The following CEP85L variants were observed in gnomAD, a reference collection of about 807,000 sequenced individuals.
CEP85L encodes centrosomal protein of 85 kDa-like.
Under a neutral mutation model 100.3 loss-of-function variants are expected in CEP85L, and 60 were observed. That is an observed-to-expected ratio of 0.60 (90% CI 0.49 to 0.74). The LOEUF (loss-of-function observed/expected upper bound fraction) is 0.74. Ranked by LOEUF, CEP85L falls within the 30% of genes least tolerant of loss-of-function variation. CEP85L has a pLI of 0.00. For synonymous variants in CEP85L, 319 were observed against 322.7 expected, an observed-to-expected ratio of 0.99 and a Z score of 0.12; for missense variants, 973 against 936.2, an observed-to-expected ratio of 1.04 and a Z score of -0.51.
chr6:118,528,593 C>T (rs1464088869), intron 3 of CEP85L, among the ~76,000 whole-genome samples: 1 of 152,108 alleles, frequency 6.6e-6, no homozygotes, highest in Non-Finnish European at 1.5e-5. Flanking sequence ...AACTTAAACC[C>T]TGATTCATAA....
At chr6:118,483,643 T>C (rs1002029307) in intron 7 of CEP85L, 63 bp downstream of exon 7, 2 of 1,505,806 alleles carry the variant, frequency 1.3e-6, no homozygotes, top group African/African-American at 2.8e-5. Context: ...GTTAGCCAAA[T>C]TTCTAGAGTC....
At chr6:118,680,490 CAT>C (rs1776623313) in intron 1 of CEP85L, among the ~76,000 whole-genome samples, 1 of 152,092 alleles carries the variant, frequency 6.6e-6, no homozygotes, top group African/African-American at 2.4e-5. Flanking sequence ...GTAGGACTGA[CAT>C]GTGTACTCAG....
chr6:118,532,427 G>A (rs1243806962), intron 3 of CEP85L, among the ~76,000 whole-genome samples: 1 of 152,042 alleles, frequency 6.6e-6, no homozygotes, highest in Non-Finnish European at 1.5e-5. Context: ...TTGCTGCCTG[G>A]ATGACAAATC....
intron 1 of CEP85L, among the ~76,000 whole-genome samples, chr6:118,703,977 C>T (rs934481867): frequency 3.9e-5 from 6 of 151,940 alleles, no homozygotes; most frequent in Admixed American, 6.6e-5. Flanking sequence ...ATTTTTTATA[C>T]GCATATGTGA....
At chr6:118,682,721 A>AG (rs35404235) in intron 1 of CEP85L, among the ~76,000 whole-genome samples, 2 of 44,806 alleles carry the variant, frequency 4.5e-5, no homozygotes, top group Non-Finnish European at 4.7e-5. Flanking sequence ...AAACTGGAAG[A>AG]AAAAAAAAAA....
chr6:118,481,241 T>G (rs1773760464), intron 8 of CEP85L, among the ~76,000 whole-genome samples: 1 of 148,336 alleles, frequency 6.7e-6, no homozygotes, highest in Non-Finnish European at 1.5e-5. Flanking sequence ...AATTTTTACT[T>G]TTTTTTTTTT....
chr6:118,632,061 C>T (rs1774196316), intron 2 of CEP85L, among the ~76,000 whole-genome samples: 1 of 152,178 alleles, frequency 6.6e-6, no homozygotes, highest in Non-Finnish European at 1.5e-5. Flanking sequence ...ACGATCTCAG[C>T]TCACTGCAAG....
intron 3 of CEP85L, among the ~76,000 whole-genome samples, chr6:118,564,477 GTGT>G (rs1779389742): frequency 6.6e-6 from 1 of 152,152 alleles, no homozygotes; most frequent in African/African-American, 2.4e-5. Context: ...TGTTTTGATT[GTGT>G]TGTTTAAATA....
intron 2 of CEP85L, among the ~76,000 whole-genome samples, chr6:118,577,553 G>A (rs919955882): frequency 6.6e-6 from 1 of 152,052 alleles, no homozygotes; most frequent in African/African-American, 2.4e-5. Flanking sequence ...ATGTAAACTG[G>A]ATAAATTACA....
chr6:118,465,345 G>T lies in CEP85L; in HGVS notation c.*60C>A. 1.3e-6 allele frequency: 2 copies of T among 1,487,050 alleles called. No individual in the cohort carries two copies. The highest frequency in any genetic ancestry group is 9.1e-7 in the Non-Finnish European group (1 of 1,099,830). The allele number at this position is 1,487,050 out of a possible 1,614,324, so 92.1% of individuals were successfully genotyped here. ...ATGTCACTTGCAACCTTCCATTATG[G>T]CTCCATAACACAGCAGCATTTAAAC... On this transcript the variant is annotated 3_prime_UTR_variant, in exon 13 of 13. Coordinates refer to ENST00000368491, the MANE Select transcript of CEP85L (RefSeq NM_001042475.3).
At chr6:118,505,505 CACTAA>C (rs1415127170) in intron 5 of CEP85L, among the ~76,000 whole-genome samples, 1 of 146,710 alleles carries the variant, frequency 6.8e-6, no homozygotes, top group African/African-American at 2.5e-5. Flanking sequence ...GAAAATCATG[CACTAA>C]ACTGTGATAT....
chr6:118,559,186 G>C, intron 3 of CEP85L: 1 of 858,850 alleles, frequency 1.2e-6, no homozygotes, highest in Non-Finnish European at 2.0e-6. Flanking sequence ...TTCCTGAGTA[G>C]AAGAGTTTCT....
At chr6:118,708,664 A>T (rs977997323) in intron 1 of CEP85L, among the ~76,000 whole-genome samples, 3 of 152,236 alleles carry the variant, frequency 2.0e-5, no homozygotes, top group African/African-American at 7.2e-5. Flanking sequence ...TCAATAAAGT[A>T]TGACATGGGA....
intron 1 of CEP85L, among the ~76,000 whole-genome samples, chr6:118,671,845 C>T (rs1218118157): frequency 1.3e-5 from 2 of 152,098 alleles, no homozygotes; most frequent in East Asian, 3.9e-4. Context: ...GGCTGAAGCA[C>T]GATAATTGCT....
chr6:118,559,946 T>C lies in CEP85L; in HGVS notation c.1020+5583A>G, dbSNP rs147557787. 10 of 167,190 alleles carry C rather than the reference T, an allele frequency of 6.0e-5. No homozygotes were observed. The East Asian group carries it at 1.9e-3, about 32-fold the overall frequency. The allele number at this position is 167,190 out of a possible 1,614,324, so 10.4% of individuals were successfully genotyped here. A position where few individuals can be genotyped will look rare whatever the true frequency, so the allele number is the denominator to read the frequency against. On this transcript the variant is annotated intron_variant, in intron 3 of 12. Transcript: ENST00000368491. ...TGAGCTAGAGTTACCTAGCTTACCA[T>C]ACTATATCTTTGGAATCATGAAACC...
rs1779452913 is a variant in CEP85L, at chr6:118,565,610, A to T, written c.939T>A (p.Asn313Lys). Residue 313 changes from asparagine (N) to lysine (K), a missense_variant, in exon 3 of 13, where the codon AAT becomes AAA. By Grantham distance (94) the Asn-to-Lys change is moderately conservative. Transcript: ENST00000368491. ...QLRTNPLEGR[N>K]TEDSYSLAPW... ...GAGCTAAACTGTAAGAATCCTCTGT[A>T]TTTCTACCTTCCAAAGGATTTGTCC... 2 of 1,614,062 alleles carry T rather than the reference A, an allele frequency of 1.2e-6. No individual in the cohort carries two copies. The highest frequency in any genetic ancestry group is 1.7e-5 in the Admixed American group (1 of 60,008).
intron 1 of CEP85L, chr6:118,646,954 G>A (rs1408253634): frequency 5.1e-6 from 5 of 985,170 alleles, no homozygotes; most frequent in Non-Finnish European, 6.0e-6. Context: ...ATTCAAGCCA[G>A]GAAGTGATCA....
chr6:118,498,221 G>A (rs903097902), intron 5 of CEP85L, among the ~76,000 whole-genome samples: 4 of 152,044 alleles, frequency 2.6e-5, no homozygotes, highest in African/African-American at 7.2e-5. Flanking sequence ...ACTGGGAAAT[G>A]GTTGGCTCAT....
At chr6:118,572,322 A>T (rs1368944765) in intron 2 of CEP85L, among the ~76,000 whole-genome samples, 1 of 151,666 alleles carries the variant, frequency 6.6e-6, no homozygotes, top group African/African-American at 2.4e-5. Context: ...TTGGGAAGCC[A>T]AAGTTGCCAG....
Sources: gnomAD v4.1 joint callset for allele counts (sites outside exome capture counted in the v4.1 genomes callset) on GRCh38, gnomAD v4.1.1 for gene constraint, MANE v1.5 for transcripts, NCBI Gene and HGNC (gene_info 2026-07-23, HGNC 2026-07-21) for gene names.